PKHD1L1: variants seen among roughly 807,000 people sequenced by gnomAD.
PKHD1L1 encodes fibrocystin-L.
Under a neutral mutation model 462.9 loss-of-function variants are expected in PKHD1L1, and 434 were observed. The observed-to-expected ratio is 0.94, with a 90% CI of 0.87 to 1.02. The LOEUF (loss-of-function observed/expected upper bound fraction) is 1.02. Among genes scored for constraint, PKHD1L1 ranks in the 50% least tolerant of loss-of-function variants. The pLI, the probability that PKHD1L1 is intolerant of heterozygous loss-of-function variation, is 0.00. For synonymous variants in PKHD1L1, 1,781 were observed against 1,750.0 expected, an observed-to-expected ratio of 1.02 and a Z score of -0.44; for missense variants, 5,202 against 5,096.1, an observed-to-expected ratio of 1.02 and a Z score of -0.63.
rs563079285 is a variant in PKHD1L1, at chr8:109,518,126, A to G, written c.11690-41A>G. The G allele has an allele frequency of 1.7e-5, 22 of 1,258,886 alleles. No individual in the cohort carries two copies. In the African/African-American group the frequency reaches 3.0e-4, roughly 17 times the overall value. 78.0% of individuals were successfully genotyped at this position (1,258,886 alleles called of 1,614,324 possible). ...TAACGCATGTTGATTGTGATAATATAAAATACTTAGCTGTGATGTTCTGGC... is the reference window on the plus strand; with the variant it reads ...TAACGCATGTTGATTGTGATAATATGAAATACTTAGCTGTGATGTTCTGGC... On this transcript the variant is annotated intron_variant, in intron 72 of 77. Coordinates refer to ENST00000378402, the MANE Select transcript of PKHD1L1 (RefSeq NM_177531.6).
At position 109,444,752 on chromosome 8, in the gene PKHD1L1, G is replaced by C. The variant is rs369476201; in HGVS notation, c.4883G>C (p.Gly1628Ala). The C allele has an allele frequency of 6.2e-7, 1 of 1,613,946 alleles. No homozygotes were observed. The highest frequency in any genetic ancestry group is 1.3e-5 in the African/African-American group (1 of 75,034). The change falls in exon 38 of 78, where the codon GGT becomes GCT. Residue 1628 changes from glycine (G) to alanine (A), a missense_variant. Coordinates refer to ENST00000378402, the MANE Select transcript of PKHD1L1 (RefSeq NM_177531.6). ...HIDPQNSMDV[G>A]IRETVTLTVY... The stretch of plus-strand genomic sequence containing the variant: ...GACCCTCAAAACTCAATGGATGTTG[G>C]TATCAGGGAAACTGTCACTTTGACT...
Position 109,461,705 on chromosome 8 carries a change from G to A in PKHD1L1, c.7247-67G>A, listed in dbSNP as rs368162266. ...TGAATCAAATGATACACTTAGTTAT[G>A]AGAAAATCTTCAATATAAGAGGATT... On this transcript the variant is annotated intron_variant, in intron 47 of 77. Coordinates refer to ENST00000378402, the MANE Select transcript of PKHD1L1 (RefSeq NM_177531.6). 51 of 1,497,748 alleles carry A rather than the reference G, an allele frequency of 3.4e-5. No individual in the cohort carries two copies. In the Middle Eastern group the frequency reaches 8.6e-4, roughly 25 times the overall value. The allele number at this position is 1,497,748 out of a possible 1,614,324, so 92.8% of individuals were successfully genotyped here. A position where few individuals can be genotyped will look rare whatever the true frequency, so the allele number is the denominator to read the frequency against.
At chr8:109,387,672 G>T (rs1214238324) in intron 6 of PKHD1L1, among the ~76,000 whole-genome samples, 1 of 152,150 alleles carries the variant, frequency 6.6e-6, no homozygotes, top group Admixed American at 6.6e-5. Flanking sequence ...CAATAATTCA[G>T]TTTACTTGCT....
Position 109,441,136 on chromosome 8 carries a change from C to G in PKHD1L1, c.4100-139C>G, listed in dbSNP as rs533445944. 7 of 663,316 alleles carry G rather than the reference C, an allele frequency of 1.1e-5. No individual in the cohort carries two copies. The African/African-American group carries it at 1.3e-4, about 12-fold the overall frequency. The allele number at this position is 663,316 out of a possible 1,614,324, so 41.1% of individuals were successfully genotyped here. A position where few individuals can be genotyped will look rare whatever the true frequency, so the allele number is the denominator to read the frequency against. On this transcript the variant is annotated intron_variant, in intron 33 of 77. Coordinates refer to ENST00000378402, the MANE Select transcript of PKHD1L1 (RefSeq NM_177531.6). ...CATGATTACTATCAGAAAAGAAGTTCTGAAGATCCTGCTATATAAGGCAGA... is the reference window on the plus strand; with the variant it reads ...CATGATTACTATCAGAAAAGAAGTTGTGAAGATCCTGCTATATAAGGCAGA...
Position 109,445,566 on chromosome 8 carries a change from T to C in PKHD1L1, c.5697T>C (p.Asn1899=), listed in dbSNP as rs762366944. Residue 1899 remains asparagine (N), a synonymous_variant, in exon 38 of 78, where the codon AAT becomes AAC. Coordinates refer to ENST00000378402, the MANE Select transcript of PKHD1L1 (RefSeq NM_177531.6). ...TGMVDVKIFV[N]TIAYPPLLFT... is the part of the protein sequence containing the mutation. ...TGGTCGATGTTAAAATCTTTGTTAA[T>C]ACAATTGCTTATCCACCTTTGCTTT... The C allele has an allele frequency of 6.2e-7, 1 of 1,611,844 alleles. No individual in the cohort carries two copies. Among genetic ancestry groups the C allele is most frequent in the Non-Finnish European group, 8.5e-7 (1 of 1,178,720 alleles).
In PKHD1L1 at chr8:109,531,161, C is replaced by T. The variant is rs1365007251; in HGVS notation, c.*1071C>T. Among the ~76,000 whole-genome samples the T allele has an allele frequency of 1.3e-5, 2 of 152,148 alleles. No homozygotes were observed. Among genetic ancestry groups the T allele is most frequent in the Admixed American group, 6.5e-5 (1 of 15,272 alleles). On this transcript the variant is annotated 3_prime_UTR_variant, in exon 78 of 78. Coordinates refer to ENST00000378402, the MANE Select transcript of PKHD1L1 (RefSeq NM_177531.6). ...TGAGAGAATTCAACAAAGCCCATAC[C>T]GTTGTCTCTTGTATAACATCTCCTA...
rs10099367 is a variant in PKHD1L1 at position 109,386,213 on chromosome 8, T to C, written c.569+583T>C. On this transcript the variant is annotated intron_variant, in intron 6 of 77. Transcript: ENST00000378402. ...TAGTTAGCTAATGTCAAAAAAATAA[T>C]TGTCCACATTTTGGACTAAAAACTA... Among the ~76,000 whole-genome samples, 214 of 152,344 alleles carry C rather than the reference T, an allele frequency of 1.4e-3. 1 individual carries two copies. Among genetic ancestry groups the C allele is most frequent in the Non-Finnish European group, 2.2e-3 (149 of 68,020 alleles).
intron 27 of PKHD1L1, among the ~76,000 whole-genome samples, chr8:109,431,070 C>T (rs1815071630): frequency 1.3e-5 from 2 of 151,362 alleles, no homozygotes; most frequent in Non-Finnish European, 2.9e-5. Flanking sequence ...CAGGTTCAAG[C>T]GATTCTCCCA....
Position 109,459,706 on chromosome 8 carries a change from A to T in PKHD1L1, c.7116A>T (p.Thr2372=), listed in dbSNP as rs779297644. ...LNYTHLGITV[T]LPDGTLFEAR... ...ACACACACTTAGGAATTACGGTCAC[A>T]CTCCCTGATGGAACTCTGTTTGAAG... The change falls in exon 47 of 78, where the codon ACA becomes ACT. Residue 2372 remains threonine, a synonymous_variant. Coordinates refer to ENST00000378402, the MANE Select transcript of PKHD1L1 (RefSeq NM_177531.6). The T allele has an allele frequency of 4.3e-6, 7 of 1,611,900 alleles. No homozygotes were observed. The Admixed American group carries it at 1.2e-4, about 27-fold the overall frequency.
At chr8:109,410,683 T>C (rs1813791535) in intron 19 of PKHD1L1, among the ~76,000 whole-genome samples, 2 of 151,470 alleles carry the variant, frequency 1.3e-5, no homozygotes, top group Non-Finnish European at 2.9e-5. Flanking sequence ...TCCAAAATCA[T>C]GTAATTTTGT....
At chr8:109,516,170 C>T (rs1820260223) in intron 72 of PKHD1L1, among the ~76,000 whole-genome samples, 1 of 152,082 alleles carries the variant, frequency 6.6e-6, no homozygotes, top group Non-Finnish European at 1.5e-5. Context: ...ATGAGGTAGG[C>T]ACAGATGAGT....
At chr8:109,470,545 T>C in intron 50 of PKHD1L1, 1 of 1,609,936 alleles carries the variant, frequency 6.2e-7, no homozygotes, top group Non-Finnish European at 8.5e-7. Context: ...TTTTGATTCC[T>C]TTATTGCAGG....
chr8:109,438,151 A>T (rs1246981216), intron 30 of PKHD1L1, among the ~76,000 whole-genome samples, 173 bp from the exon 31 acceptor site: 1 of 152,200 alleles, frequency 6.6e-6, no homozygotes, highest in East Asian at 1.9e-4. Flanking sequence ...GAACTCAAGC[A>T]TGTAACCTAT....
chr8:109,455,374 CA>C (rs150692921), intron 45 of PKHD1L1, among the ~76,000 whole-genome samples: 2 of 151,962 alleles, frequency 1.3e-5, no homozygotes, highest in Non-Finnish European at 2.9e-5. Context: ...CAAACAAAAC[CA>C]AAAAAACTCA....
At chr8:109,362,966 A>C (rs1043400584) in intron 1 of PKHD1L1, among the ~76,000 whole-genome samples, 1 of 152,088 alleles carries the variant, frequency 6.6e-6, no homozygotes, top group African/African-American at 2.4e-5. Flanking sequence ...GTAGACTGAA[A>C]TTTGGCGGGG....
At chr8:109,444,005 TATCAC>T (rs1815968503) in intron 37 of PKHD1L1, 103 bp downstream of exon 37, 1 of 979,706 alleles carries the variant, frequency 1.0e-6, no homozygotes, top group African/African-American at 1.6e-5. Context: ...TATTGAGCTA[TATCAC>T]ATACCATACA....
At chr8:109,410,064 G>A in intron 19 of PKHD1L1, 86 bp downstream of exon 19, 1 of 729,534 alleles carries the variant, frequency 1.4e-6, no homozygotes, top group Non-Finnish European at 2.1e-6. Context: ...TTCTGAAGTA[G>A]CATTAATAAC....
At chr8:109,444,122 C>CG (rs71305950) in intron 37 of PKHD1L1, among the ~76,000 whole-genome samples, 50,175 of 151,420 alleles carry the variant, frequency 0.33, 8,683 homozygotes, top group Admixed American at 0.46. Flanking sequence ...ACCTCCCCCC[C>CG]CCAAAAAAAA....
intron 70 of PKHD1L1, 84 bp downstream of exon 70, chr8:109,508,348 C>T: frequency 7.4e-7 from 1 of 1,354,638 alleles, no homozygotes; most frequent in Non-Finnish European, 1.0e-6. Context: ...AAATTATTTA[C>T]CCCACACAAC....
Sources: allele counts gnomAD v4.1 joint callset (sites outside exome capture counted in the v4.1 genomes callset), GRCh38; gene constraint gnomAD v4.1.1; transcripts MANE v1.5; gene names NCBI Gene and HGNC (gene_info 2026-07-23, HGNC 2026-07-21).